NOL10: variants seen among roughly 807,000 people sequenced by gnomAD.
NOL10 encodes nucleolar protein 10.
NOL10 carries 58 observed loss-of-function variants against 103.5 expected under a neutral mutation model. The observed-to-expected ratio is 0.56, with a 90% CI of 0.45 to 0.70. The LOEUF is 0.70. Ranked by LOEUF, NOL10 falls within the 30% of genes least tolerant of loss-of-function variation. The pLI is 0.00. For synonymous variants in NOL10, 287 were observed against 282.5 expected (o/e 1.02, Z -0.16); for missense variants, 763 against 807.3 (o/e 0.95, Z 0.67).
chr2:10,638,792 C>A (rs1224144895), intron 13 of NOL10, among the ~76,000 whole-genome samples: 2 of 52,834 alleles, frequency 3.8e-5, no homozygotes, highest in Admixed American at 2.1e-4. Context: ...CGTGCCTGGC[C>A]TTTTTTTTTT....
chr2:10,682,520 C>G (rs986485038), intron 2 of NOL10, among the ~76,000 whole-genome samples: 37 of 151,090 alleles, frequency 2.4e-4, no homozygotes, highest in Middle Eastern at 3.4e-3. Flanking sequence ...ACACCTCAGC[C>G]CCCCCAAATA....
At chr2:10,687,043 G>A (rs191334464) in intron 1 of NOL10, among the ~76,000 whole-genome samples, 225 of 152,314 alleles carry the variant, frequency 1.5e-3, no homozygotes, top group Non-Finnish European at 8.8e-4. Flanking sequence ...AGGATCACCA[G>A]GGGAGTAAAC....
At chr2:10,578,417 T>C (rs898340798) in intron 19 of NOL10, among the ~76,000 whole-genome samples, 2 of 152,232 alleles carry the variant, frequency 1.3e-5, no homozygotes, top group Non-Finnish European at 2.9e-5. Context: ...ACCTTTCCTT[T>C]TAGTTTCTTA....
At chr2:10,679,988 C>T (rs1390048334) in intron 3 of NOL10, among the ~76,000 whole-genome samples, 1 of 151,874 alleles carries the variant, frequency 6.6e-6, no homozygotes, top group Non-Finnish European at 1.5e-5. Context: ...GAAGGAAAGC[C>T]ATTAGGCCAG....
intron 13 of NOL10, among the ~76,000 whole-genome samples, chr2:10,615,448 G>A (rs1212610775): frequency 1.3e-5 from 2 of 152,162 alleles, no homozygotes; most frequent in African/African-American, 4.8e-5. Flanking sequence ...ACATGACAGA[G>A]TGCCTTCAGT....
intron 14 of NOL10, among the ~76,000 whole-genome samples, chr2:10,605,301 T>C (rs1335638575): frequency 6.6e-6 from 1 of 152,220 alleles, no homozygotes; most frequent in Non-Finnish European, 1.5e-5. Flanking sequence ...CTGTTGGCCA[T>C]ATCCAGAAGA....
chr2:10,640,221 C>T (rs1678605992), intron 13 of NOL10, among the ~76,000 whole-genome samples: 1 of 152,200 alleles, frequency 6.6e-6, no homozygotes, highest in Admixed American at 6.5e-5. Context: ...ACCTTCCTGC[C>T]AAACGTCAAC....
intron 7 of NOL10, 88 bp downstream of exon 7, chr2:10,668,570 A>G (rs1680700971): frequency 9.0e-6 from 5 of 558,396 alleles, no homozygotes; most frequent in South Asian, 7.0e-5. Flanking sequence ...GCTTAATTGC[A>G]ATAGTTTATG....
At chr2:10,631,961 G>T (rs542119628) in intron 13 of NOL10, among the ~76,000 whole-genome samples, 2 of 152,162 alleles carry the variant, frequency 1.3e-5, no homozygotes, top group African/African-American at 4.8e-5. Flanking sequence ...TGATTTGCCC[G>T]CCTCGGCCTC....
At chr2:10,634,322 G>A (rs1032299873) in intron 13 of NOL10, among the ~76,000 whole-genome samples, 2 of 152,290 alleles carry the variant, frequency 1.3e-5, no homozygotes, top group South Asian at 2.1e-4. Flanking sequence ...ACTGGATGAC[G>A]AGGCATGAAG....
At chr2:10,624,312 T>C (rs2148227379) in intron 13 of NOL10, among the ~76,000 whole-genome samples, 1 of 152,174 alleles carries the variant, frequency 6.6e-6, no homozygotes, top group East Asian at 1.9e-4. Context: ...GTCGTGCCAC[T>C]ACACTGAAGC....
intron 13 of NOL10, among the ~76,000 whole-genome samples, chr2:10,618,443 T>C (rs1676952870): frequency 6.6e-6 from 1 of 152,164 alleles, no homozygotes; most frequent in African/African-American, 2.4e-5. Context: ...TAAACCTTTC[T>C]GGCGAGAATC....
chr2:10,646,171 G>C (rs1161590487), intron 12 of NOL10, among the ~76,000 whole-genome samples: 6 of 152,014 alleles, frequency 3.9e-5, no homozygotes, highest in Admixed American at 3.9e-4. Context: ...GTGCTTCCTA[G>C]GTCTCCACTA....
chr2:10,684,614 T>C lies in NOL10; in HGVS notation c.67-2A>G. On this transcript the variant is annotated splice_acceptor_variant, in intron 1 of 20. Coordinates refer to ENST00000381685, the MANE Select transcript of NOL10 (RefSeq NM_024894.4). LOFTEE classifies it high-confidence loss of function. ...TCTCTTCTTCCTATCAGAAAGCCAC[T>C]TAAAGAAAATGAAGAGAGTTTATTT... 1 of 1,562,490 alleles carries C rather than the reference T, an allele frequency of 6.4e-7. No homozygotes were observed. The highest frequency in any genetic ancestry group is 8.7e-7 in the Non-Finnish European group (1 of 1,152,168).
At chr2:10,610,106 A>C (rs1421902780) in intron 13 of NOL10, among the ~76,000 whole-genome samples, 1 of 152,228 alleles carries the variant, frequency 6.6e-6, no homozygotes, top group Non-Finnish European at 1.5e-5. Context: ...GGGTATATGA[A>C]TACTTCTGGT....
At chr2:10,593,143 CTT>C (rs1327660367) in intron 17 of NOL10, among the ~76,000 whole-genome samples, 1 of 132,656 alleles carries the variant, frequency 7.5e-6, no homozygotes, top group Non-Finnish European at 1.6e-5. Context: ...TTTTTTTTTT[CTT>C]TTTTTTCTTT....
intron 17 of NOL10, among the ~76,000 whole-genome samples, chr2:10,592,906 T>G (rs576236225): frequency 6.6e-6 from 1 of 152,346 alleles, no homozygotes; most frequent in East Asian, 1.9e-4. Context: ...TAGCTATTAA[T>G]GTTCTATAGG....
chr2:10,603,157 C>G lies in NOL10; in HGVS notation c.1154G>C (p.Gly385Ala). ...FVTKKDLENL[G>A]LTHLIGSPFL... ...AGGAGATCCAATGAGGTGGGTGAGC[C>G]CTGGGAAAGGTCAAACAGAAGACAG... The change falls in exon 15 of 21, where the codon GGG becomes GCG. Residue 385 changes from glycine to alanine, a missense_variant and splice_region_variant. Gly to Ala is a moderately conservative substitution (Grantham distance 60, BLOSUM62 0). Coordinates refer to ENST00000381685, the MANE Select transcript of NOL10 (RefSeq NM_024894.4). 1 of 1,609,482 alleles carries G rather than the reference C, an allele frequency of 6.2e-7. No individual in the cohort carries two copies. The highest frequency in any genetic ancestry group is 8.5e-7 in the Non-Finnish European group (1 of 1,177,620).
intron 20 of NOL10, among the ~76,000 whole-genome samples, chr2:10,577,207 C>T (rs1226895934): frequency 1.3e-5 from 2 of 152,202 alleles, no homozygotes; most frequent in East Asian, 3.9e-4. Context: ...TCAGAACTCG[C>T]CAATTCCCGG....
Sources: gnomAD v4.1 joint callset for allele counts (sites outside exome capture counted in the v4.1 genomes callset) on GRCh38, gnomAD v4.1.1 for gene constraint, MANE v1.5 for transcripts, NCBI Gene and HGNC (gene_info 2026-07-23, HGNC 2026-07-21) for gene names.